The following NUMB variants were observed in gnomAD, a reference collection of about 807,000 sequenced individuals.
NUMB encodes the protein protein numb homolog.
A neutral mutation model predicts 59.7 loss-of-function variants in NUMB; 29 were observed. The observed-to-expected ratio is 0.49, with a 90% CI of 0.36 to 0.66. NUMB has a LOEUF of 0.66. NUMB is among the 30% of genes least tolerant of loss of function. NUMB has a pLI of 0.00. For missense variants in NUMB, 723 were observed against 822.0 expected, an observed-to-expected ratio of 0.88 and a Z score of 1.47; for synonymous variants, 288 against 288.2, an observed-to-expected ratio of 1.00 and a Z score of 0.01.
intron 7 of NUMB, among the ~76,000 whole-genome samples, chr14:73,295,704 T>TA (rs1889732194): frequency 6.9e-6 from 1 of 144,932 alleles, no homozygotes; most frequent in African/African-American, 2.7e-5. Context: ...GGCATTTGAA[T>TA]TTTTTTTTTT....
chr14:73,337,616 ACCCAGTGCTGTACCACAAGCTCTG>A, intron 4 of NUMB, among the ~76,000 whole-genome samples: 1 of 152,312 alleles, frequency 6.6e-6, no homozygotes, highest in Admixed American at 6.5e-5. Context: ...CACCAATTCT[ACCCAGTGCTGTACCACAAGCTCTG>A]CCCAGTGCAA....
chr14:73,434,882 T>G (rs117273466), intron 1 of NUMB, among the ~76,000 whole-genome samples: 5,034 of 152,256 alleles, frequency 0.033, 141 homozygotes, highest in Non-Finnish European at 0.056. Flanking sequence ...CTGAGAAATC[T>G]TCTATTTGGA....
At chr14:73,365,567 T>C (rs1258427772) in intron 3 of NUMB, among the ~76,000 whole-genome samples, 1 of 151,916 alleles carries the variant, frequency 6.6e-6, no homozygotes, top group African/African-American at 2.4e-5. Flanking sequence ...GCCTAAGAGT[T>C]TCAGACCAGC....
intron 8 of NUMB, 55 bp from the exon 9 acceptor site, chr14:73,287,369 C>A: frequency 7.2e-7 from 1 of 1,393,636 alleles, no homozygotes; most frequent in Non-Finnish European, 9.8e-7. Flanking sequence ...CAATTACATA[C>A]AAATAAGTCT....
At chr14:73,370,132 G>T (rs1308791864) in intron 2 of NUMB, among the ~76,000 whole-genome samples, 1 of 151,918 alleles carries the variant, frequency 6.6e-6, no homozygotes, top group African/African-American at 2.4e-5. Context: ...TAGTGGGGGG[G>T]GTGGGACCAT....
At position 73,284,365 on chromosome 14, in the gene NUMB, T is replaced by C. The variant is rs375885050; in HGVS notation, c.665A>G (p.Asp222Gly). The C allele has an allele frequency of 5.0e-5, 81 of 1,612,534 alleles. No individual in the cohort carries two copies. The highest frequency in any genetic ancestry group is 6.4e-5 in the Non-Finnish European group (75 of 1,178,888). The change falls in exon 10 of 13, where the codon GAT becomes GGT. Residue 222 changes from aspartate (D) to glycine (G), a missense_variant. Physicochemically the swap from Asp to Gly is moderately conservative, Grantham distance 94. This residue lies in a region of NUMB where 317 missense variants were observed against 436.6 expected (regional missense o/e 0.73). Coordinates refer to ENST00000555238, the MANE Select transcript of NUMB (RefSeq NM_001005743.2). ...QMQDAKKAET[D>G]KIVVGSSVAP... Reference sequence around the variant, plus strand: ...AACTGATGAACCAACGACTATCTTATCTGTTTCAGCTCAAGAAAATAAAGA... The same window carrying C: ...AACTGATGAACCAACGACTATCTTACCTGTTTCAGCTCAAGAAAATAAAGA...
At chr14:73,296,056 C>G (rs1229449341) in intron 7 of NUMB, among the ~76,000 whole-genome samples, 2 of 151,130 alleles carry the variant, frequency 1.3e-5, no homozygotes, top group East Asian at 3.9e-4. Flanking sequence ...GATGTGGAGT[C>G]CATCTTTTTT....
chr14:73,415,519 T>G (rs1452117445), intron 1 of NUMB, among the ~76,000 whole-genome samples: 1 of 151,626 alleles, frequency 6.6e-6, no homozygotes, highest in African/African-American at 2.4e-5. Context: ...TTTTTTTTTT[T>G]TTTTTGAGAT....
At chr14:73,435,100 T>C (rs1275653020) in intron 1 of NUMB, among the ~76,000 whole-genome samples, 1 of 152,048 alleles carries the variant, frequency 6.6e-6, no homozygotes, top group East Asian at 1.9e-4. Context: ...AAACACAAGT[T>C]ACAACTACTC....
chr14:73,316,161 G>A (rs1477074082), intron 6 of NUMB, among the ~76,000 whole-genome samples: 8 of 152,146 alleles, frequency 5.3e-5, no homozygotes, highest in African/African-American at 1.9e-4. Context: ...ATGAGCCACC[G>A]TGTCCAGCCT....
intron 1 of NUMB, among the ~76,000 whole-genome samples, chr14:73,439,613 A>G (rs543520700): frequency 2.6e-5 from 4 of 152,290 alleles, no homozygotes; most frequent in Non-Finnish European, 5.9e-5. Flanking sequence ...TATGTTTTTA[A>G]TCATCACTAC....
intron 4 of NUMB, among the ~76,000 whole-genome samples, chr14:73,344,030 T>C (rs1457873804): frequency 3.9e-5 from 6 of 152,184 alleles, no homozygotes; most frequent in African/African-American, 1.4e-4. Flanking sequence ...TCTACATGAA[T>C]TGTTCTATCT....
chr14:73,428,027 T>C (rs1897661351), intron 1 of NUMB, among the ~76,000 whole-genome samples: 1 of 152,214 alleles, frequency 6.6e-6, no homozygotes, highest in Non-Finnish European at 1.5e-5. Context: ...CTTTAAGTGT[T>C]ATGGAATCTC....
At chr14:73,390,504 C>A (rs1267675342) in intron 2 of NUMB, among the ~76,000 whole-genome samples, 1 of 151,956 alleles carries the variant, frequency 6.6e-6, no homozygotes, top group Non-Finnish European at 1.5e-5. Flanking sequence ...TTGAAGCCTT[C>A]CCCAATCCTC....
At chr14:73,432,136 C>T (rs921291149) in intron 1 of NUMB, among the ~76,000 whole-genome samples, 2 of 151,964 alleles carry the variant, frequency 1.3e-5, no homozygotes, top group Non-Finnish European at 2.9e-5. Flanking sequence ...AATCAAATCT[C>T]CAAAGAGTAT....
chr14:73,434,591 T>A (rs921085696), intron 1 of NUMB, among the ~76,000 whole-genome samples: 1 of 152,158 alleles, frequency 6.6e-6, no homozygotes, highest in African/African-American at 2.4e-5. Flanking sequence ...CTAGGCTGGG[T>A]GCAGTGGCTC....
intron 11 of NUMB, among the ~76,000 whole-genome samples, chr14:73,280,607 A>G (rs1034467007): frequency 8.6e-5 from 13 of 151,506 alleles, no homozygotes; most frequent in African/African-American, 2.7e-4. Context: ...AGTTTGGTGT[A>G]GACAAGCACC....
At chr14:73,303,661 TCAGA>T (rs1299846130) in intron 6 of NUMB, among the ~76,000 whole-genome samples, 1 of 152,162 alleles carries the variant, frequency 6.6e-6, no homozygotes, top group Non-Finnish European at 1.5e-5. Context: ...ACACAGATGT[TCAGA>T]CATTCAGAAT....
At chr14:73,412,102 A>T (rs1001994699) in intron 1 of NUMB, among the ~76,000 whole-genome samples, 2 of 151,698 alleles carry the variant, frequency 1.3e-5, no homozygotes, top group Non-Finnish European at 2.9e-5. Flanking sequence ...TTTTTAAAAA[A>T]TTTTTTTATA....
Sources: allele counts gnomAD v4.1 joint callset (sites outside exome capture counted in the v4.1 genomes callset), GRCh38; gene constraint gnomAD v4.1.1; regional missense constraint gnomAD v4.1.1; transcripts MANE v1.5; gene names NCBI Gene and HGNC (gene_info 2026-07-23, HGNC 2026-07-21).